GPR89B: variants seen among roughly 807,000 people sequenced by gnomAD.
GPR89B encodes the protein golgi pH regulator B.
Under a neutral mutation model 52.4 loss-of-function variants are expected in GPR89B, and 25 were observed. The ratio of observed to expected loss-of-function variants is 0.48; its 90% confidence interval spans 0.35 to 0.67. GPR89B has a LOEUF of 0.67. GPR89B is among the 30% of genes least tolerant of loss of function. GPR89B has a pLI of 0.01. For synonymous variants in GPR89B, 52 were observed against 151.2 expected, an observed-to-expected ratio of 0.34 and a Z score of 4.81; for missense variants, 146 against 450.2, an observed-to-expected ratio of 0.32 and a Z score of 6.11.
intron 10 of GPR89B, among the ~76,000 whole-genome samples, chr1:147,985,677 G>A (rs1658610512): frequency 6.6e-6 from 1 of 151,872 alleles, no homozygotes; most frequent in Non-Finnish European, 1.5e-5. Context: ...CCACTGTGTT[G>A]CTATTTCTTT....
chr1:148,020,869 G>C, the GPR89B span, among the ~76,000 whole-genome samples: 2 of 151,604 alleles, frequency 1.3e-5, no homozygotes, highest in Non-Finnish European at 2.9e-5. Context: ...TGTATTTTCA[G>C]TAGAGACGGG....
At chr1:147,990,566 GT>G (rs1658987805) in intron 12 of GPR89B, among the ~76,000 whole-genome samples, 1 of 152,136 alleles carries the variant, frequency 6.6e-6, no homozygotes, top group South Asian at 2.1e-4. Flanking sequence ...TTCTTCTAGG[GT>G]TTTTATGGTT....
chr1:148,007,277 G>A, the GPR89B span, among the ~76,000 whole-genome samples: 1 of 151,560 alleles, frequency 6.6e-6, no homozygotes, highest in Admixed American at 6.6e-5. Flanking sequence ...GGGTTTCACC[G>A]TGTTAGCCAG....
At chr1:148,002,195 C>T in the GPR89B span, among the ~76,000 whole-genome samples, 1 of 152,080 alleles carries the variant, frequency 6.6e-6, no homozygotes, top group African/African-American at 2.4e-5. Flanking sequence ...CTCTTGGTTA[C>T]CTGTTAGTGG....
intron 7 of GPR89B, among the ~76,000 whole-genome samples, chr1:147,957,830 C>T (rs1232713008): frequency 1.3e-5 from 2 of 151,988 alleles, no homozygotes; most frequent in Admixed American, 6.6e-5. Flanking sequence ...TTTGGGAGGC[C>T]GAGTCGGGCA....
intron 12 of GPR89B, 54 bp from the exon 13 acceptor site, chr1:147,992,448 G>A (rs1414517275): frequency 1.1e-5 from 17 of 1,592,266 alleles, no homozygotes; most frequent in South Asian, 8.8e-5. Flanking sequence ...CTTACTGTTC[G>A]TGACACAGGA....
At chr1:147,989,872 A>G (rs1444407188) in intron 12 of GPR89B, among the ~76,000 whole-genome samples, 2 of 152,136 alleles carry the variant, frequency 1.3e-5, no homozygotes, top group African/African-American at 4.8e-5. Flanking sequence ...TGCTATTGTG[A>G]ATAGAGTATG....
chr1:148,018,302 C>T, the GPR89B span, among the ~76,000 whole-genome samples: 5 of 144,848 alleles, frequency 3.5e-5, no homozygotes. Context: ...GCCTTTAGTC[C>T]CAGCTACTCC....
intron 1 of GPR89B, among the ~76,000 whole-genome samples, chr1:147,933,082 A>C (rs6593838): frequency 1.8e-4 from 27 of 152,284 alleles, no homozygotes; most frequent in African/African-American, 4.1e-4. Flanking sequence ...GTTACCTAAT[A>C]ATATTAATAA....
At chr1:147,940,295 T>C (rs1213770190) in intron 3 of GPR89B, among the ~76,000 whole-genome samples, 2 of 151,242 alleles carry the variant, frequency 1.3e-5, no homozygotes, top group Middle Eastern at 3.4e-3. Flanking sequence ...CCCAGCTACT[T>C]GGGGGGCTGA....
intron 1 of GPR89B, among the ~76,000 whole-genome samples, chr1:147,931,998 CTT>C (rs1553247101): frequency 6.6e-6 from 1 of 152,042 alleles, no homozygotes; most frequent in Non-Finnish European, 1.5e-5. Context: ...ATCTGTTTCT[CTT>C]TTCTTCCATT....
chr1:148,017,759 A>ATAAAATAAAG, the GPR89B span, among the ~76,000 whole-genome samples: 2 of 148,664 alleles, frequency 1.3e-5, no homozygotes, highest in Non-Finnish European at 3.0e-5. Context: ...ATAAAATAAA[A>ATAAAATAAAG]TAAAATAAAA....
chr1:147,947,238 G>A (rs587719302), intron 5 of GPR89B, among the ~76,000 whole-genome samples: 8 of 152,046 alleles, frequency 5.3e-5, no homozygotes, highest in African/African-American at 9.7e-5. Flanking sequence ...CCCGGAGGCC[G>A]GAGACACAAG....
intron 7 of GPR89B, among the ~76,000 whole-genome samples, chr1:147,966,013 A>G (rs1657006997): frequency 6.6e-6 from 1 of 151,400 alleles, no homozygotes; most frequent in African/African-American, 2.4e-5. Context: ...CGCCCAGCTA[A>G]TTTTTGTATT....
At chr1:148,008,561 CAT>C in the GPR89B span, among the ~76,000 whole-genome samples, 1 of 152,170 alleles carries the variant, frequency 6.6e-6, no homozygotes, top group Non-Finnish European at 1.5e-5. Flanking sequence ...CCAGAAAGAA[CAT>C]AGGCAGAGGC....
the GPR89B span, among the ~76,000 whole-genome samples, chr1:148,006,169 T>C: frequency 6.6e-6 from 1 of 150,824 alleles, no homozygotes; most frequent in Admixed American, 6.6e-5. Context: ...GTCAGCTAAA[T>C]GCAAAGATGG....
chr1:147,973,409 C>T (rs1657616293), intron 10 of GPR89B, among the ~76,000 whole-genome samples: 1 of 151,704 alleles, frequency 6.6e-6, no homozygotes, highest in Admixed American at 6.6e-5. Flanking sequence ...CTCTAATGAT[C>T]AGTGATACTG....
the GPR89B span, among the ~76,000 whole-genome samples, chr1:147,999,637 A>T: frequency 6.6e-6 from 1 of 150,510 alleles, no homozygotes; most frequent in Admixed American, 6.6e-5. Flanking sequence ...TACATGTAAT[A>T]GCCTTTCAAA....
intron 6 of GPR89B, among the ~76,000 whole-genome samples, chr1:147,954,058 A>G (rs1395522394): frequency 7.0e-6 from 1 of 142,894 alleles, no homozygotes; most frequent in Non-Finnish European, 1.5e-5. Flanking sequence ...TTAAATATAT[A>G]TTTTATATAT....
Sources: gnomAD v4.1 joint callset for allele counts (sites outside exome capture counted in the v4.1 genomes callset) on GRCh38, gnomAD v4.1.1 for gene constraint, MANE v1.5 for transcripts, NCBI Gene and HGNC (gene_info 2026-07-23, HGNC 2026-07-21) for gene names.